NMD3: variants seen among roughly 807,000 people sequenced by gnomAD.
The protein encoded by NMD3 is NMD3 ribosome export adaptor, also known as 60S ribosomal export protein NMD3.
In NMD3, 47 loss-of-function variants were observed where a neutral mutation model predicts 73.1. The ratio of observed to expected loss-of-function variants is 0.64; its 90% CI spans 0.51 to 0.82. The LOEUF (loss-of-function observed/expected upper bound fraction) is 0.82, where lower values mean the gene tolerates loss of function less well. Ranked by LOEUF, NMD3 falls within the 40% of genes least tolerant of loss-of-function variation. NMD3 has a pLI of 0.00. For synonymous variants in NMD3, 210 were observed against 194.5 expected, an observed-to-expected ratio of 1.08 and a Z score of -0.66; for missense variants, 554 against 612.5, an observed-to-expected ratio of 0.90 and a Z score of 1.01.
At chr3:161,222,117 A>C in intron 2 of NMD3, 60 bp downstream of exon 2, 3 of 1,387,560 alleles carry the variant, frequency 2.2e-6, no homozygotes, top group Admixed American at 1.7e-5. Flanking sequence ...AGCCCGGGAA[A>C]CTCACTATGG....
At position 161,251,810 on chromosome 3, in the gene NMD3, A is replaced by G. The variant is rs893803726; in HGVS notation, c.*900A>G. On this transcript the variant is annotated 3_prime_UTR_variant, in exon 16 of 16. Transcript: ENST00000351193. ...AAAAATGAGGTACATACTTTATAAA[A>G]CCATTAATCAGATTTGAATGAGGAA... 1.1e-4 allele frequency: 16 copies of G among 152,220 alleles called. No homozygotes were observed. Among genetic ancestry groups the G allele is most frequent in the African/African-American group, 3.9e-4 (16 of 41,462 alleles). The allele number at this position is 152,220 out of a possible 1,614,324, so 9.4% of individuals were successfully genotyped here. A position where few individuals can be genotyped will look rare whatever the true frequency, so the allele number is the denominator to read the frequency against.
At chr3:161,242,295 G>C (rs1382667649) in intron 10 of NMD3, among the ~76,000 whole-genome samples, 1 of 152,044 alleles carries the variant, frequency 6.6e-6, no homozygotes, top group Non-Finnish European at 1.5e-5. Context: ...AACTATTTAA[G>C]ATATGTTTGA....
intron 3 of NMD3, 129 bp downstream of exon 3, chr3:161,225,193 G>A (rs900694452): frequency 3.0e-6 from 3 of 1,016,546 alleles, no homozygotes; most frequent in Admixed American, 2.8e-5. Context: ...ATTTTCTGTT[G>A]GTGTCGCCAA....
chr3:161,224,778 G>A (rs1461968482), intron 2 of NMD3, 152 bp from the exon 3 acceptor site: 2 of 671,684 alleles, frequency 3.0e-6, no homozygotes, highest in Non-Finnish European at 4.8e-6. Context: ...TGAGCCACTG[G>A]CTGGCCCAGG....
At chr3:161,240,026 G>C (rs1736908143) in intron 9 of NMD3, among the ~76,000 whole-genome samples, 1 of 152,068 alleles carries the variant, frequency 6.6e-6, no homozygotes, top group Non-Finnish European at 1.5e-5. Flanking sequence ...AGGTGTGAGG[G>C]CATATTTAGG....
chr3:161,242,875 G>GA (rs1202811674), intron 11 of NMD3, among the ~76,000 whole-genome samples: 9 of 151,914 alleles, frequency 5.9e-5, no homozygotes, highest in Admixed American at 5.9e-4. Flanking sequence ...TTTTGTGTAG[G>GA]AAAAATCTTT....
At chr3:161,249,401 G>T in intron 13 of NMD3, 53 bp from the exon 14 acceptor site, 2 of 1,135,162 alleles carry the variant, frequency 1.8e-6, no homozygotes, top group Non-Finnish European at 2.6e-6. Flanking sequence ...GAATTTTGTG[G>T]CCTCACTGTA....
intron 2 of NMD3, chr3:161,222,907 C>G (rs1305528088): frequency 6.6e-6 from 1 of 152,218 alleles, no homozygotes; most frequent in Non-Finnish European, 1.5e-5. Flanking sequence ...TTTACTCTTC[C>G]CTTGTCCATC....
intron 2 of NMD3, chr3:161,223,263 C>T (rs939768219): frequency 6.6e-6 from 1 of 152,198 alleles, no homozygotes; most frequent in Non-Finnish European, 1.5e-5. Context: ...TTGTACTAGC[C>T]ATGTTGCCAC....
intron 7 of NMD3, among the ~76,000 whole-genome samples, chr3:161,236,701 T>G (rs1736769698): frequency 6.6e-6 from 1 of 152,076 alleles, no homozygotes; most frequent in African/African-American, 2.4e-5. Flanking sequence ...TAGTTTTAGG[T>G]CTTATATATT....
At chr3:161,245,191 A>G (rs1347594562) in intron 11 of NMD3, among the ~76,000 whole-genome samples, 5 of 151,958 alleles carry the variant, frequency 3.3e-5, no homozygotes, top group South Asian at 2.1e-4. Context: ...TGAGACAAAA[A>G]TAACTTGTGA....
Position 161,250,848 on chromosome 3 carries a change from C to T in NMD3, c.1450C>T (p.Leu484Phe). 1 of 1,612,154 alleles carries T rather than the reference C, an allele frequency of 6.2e-7. No individual in the cohort carries two copies. The highest frequency in any genetic ancestry group is 1.1e-5 in the South Asian group (1 of 91,044). The change falls in exon 16 of 16, where the codon CTT becomes TTT. Residue 484 changes from leucine (L) to phenylalanine (F), a missense_variant. By Grantham distance (22) the Leu-to-Phe change is conservative (BLOSUM62 0). Transcript: ENST00000351193. Reference sequence around the variant, plus strand: ...ACCTCGAATTAGTCTGGCTGAGATGCTTGAAGACCTTCATATTTCCCAAGA... The same window carrying T: ...ACCTCGAATTAGTCTGGCTGAGATGTTTGAAGACCTTCATATTTCCCAAGA... ...GAPRISLAEM[L>F]EDLHISQDAT...
intron 3 of NMD3, among the ~76,000 whole-genome samples, chr3:161,226,362 C>G (rs1438261086): frequency 6.6e-6 from 1 of 151,214 alleles, no homozygotes; most frequent in African/African-American, 2.4e-5. Flanking sequence ...GCAGGAGAAT[C>G]GCTTGAACCC....
chr3:161,234,106 A>ATC lies in NMD3; in HGVS notation c.358-620_358-619insCT, dbSNP rs1349892596. 4.6e-5 allele frequency among the ~76,000 whole-genome samples: 7 copies of ATC among 152,250 alleles called. No individual in the cohort carries two copies. In the South Asian group the frequency reaches 1.0e-3, roughly 23 times the overall value. ...ATCAGTTATGTTTGGGAATCATTAA[A>ATC]TTAAGGAATTTTTTTTTTGAGAAGT... is the stretch of plus-strand genomic sequence containing the variant. On this transcript the variant is annotated intron_variant, in intron 5 of 15. Coordinates refer to ENST00000351193, the MANE Select transcript of NMD3 (RefSeq NM_015938.5).
At position 161,234,758 on chromosome 3, in the gene NMD3, T is replaced by C; in HGVS notation, c.389T>C (p.Phe130Ser). ...VMNGAILQQV[F>S]VVDYVVQSQM... ...AATGGTGCTATCCTTCAACAAGTGT[T>C]TGTGGTGGATTATGTTGTTCAGTCC... is the stretch of plus-strand genomic sequence containing the variant. Residue 130 changes from phenylalanine (F) to serine (S), a missense_variant, in exon 6 of 16, where the codon TTT (phenylalanine) becomes TCT (serine). Physicochemically the swap from Phe to Ser is radical, Grantham distance 155. Transcript: ENST00000351193. The C allele has an allele frequency of 6.2e-7, 1 of 1,612,804 alleles. No individual in the cohort carries two copies. The highest frequency in any genetic ancestry group is 8.5e-7 in the Non-Finnish European group (1 of 1,179,188).
chr3:161,253,397 T>C (rs564682273), downstream of NMD3: 1 of 152,324 alleles, frequency 6.6e-6, no homozygotes, highest in African/African-American at 2.4e-5. Context: ...AATTTCAGAC[T>C]TACAAAATGT....
chr3:161,247,462 T>C, intron 13 of NMD3, 132 bp downstream of exon 13: 1 of 518,786 alleles, frequency 1.9e-6, no homozygotes, highest in African/African-American at 1.9e-5. Context: ...GCAGATAAGG[T>C]ATAATAGCAA....
chr3:161,225,434 G>A (rs1373421051), intron 3 of NMD3, among the ~76,000 whole-genome samples: 1 of 152,044 alleles, frequency 6.6e-6, no homozygotes, highest in Non-Finnish European at 1.5e-5. Context: ...ATGATAAAAA[G>A]CTTATGTTTG....
chr3:161,223,278 G>A (rs550538674), intron 2 of NMD3: 49 of 152,180 alleles, frequency 3.2e-4, no homozygotes, highest in Non-Finnish European at 6.0e-4. Flanking sequence ...TGCCACATGT[G>A]GCTAGTGGCT....
Sources: allele counts gnomAD v4.1 joint callset (sites outside exome capture counted in the v4.1 genomes callset), GRCh38; gene constraint gnomAD v4.1.1; transcripts MANE v1.5; gene names NCBI Gene and HGNC (gene_info 2026-07-23, HGNC 2026-07-21).